The following CEP350 variants were observed in gnomAD, a reference collection of about 807,000 sequenced individuals.
The protein encoded by CEP350 is centrosomal protein 350.
A neutral mutation model predicts 331.8 loss-of-function variants in CEP350; 126 were observed. The observed-to-expected ratio is 0.38, with a 90% CI of 0.33 to 0.44. CEP350 has a LOEUF of 0.44. Ranked by LOEUF, CEP350 falls within the 20% of genes least tolerant of loss-of-function variation. CEP350 has a pLI of 1.00. For missense variants in CEP350, 3,406 were observed against 3,634.6 expected (o/e 0.94, Z 1.62); for synonymous variants, 1,200 against 1,259.5 (o/e 0.95, Z 1.00).
At chr1:180,045,867 C>T (rs1299306091) in intron 21 of CEP350, among the ~76,000 whole-genome samples, 2 of 152,102 alleles carry the variant, frequency 1.3e-5, no homozygotes, top group Non-Finnish European at 2.9e-5. Flanking sequence ...GCCTTTGGTC[C>T]ATCTCTAGCC....
intron 37 of CEP350, 97 bp from the exon 38 acceptor site, chr1:180,110,900 G>C: frequency 2.0e-6 from 2 of 993,890 alleles, no homozygotes; most frequent in Non-Finnish European, 3.0e-6. Flanking sequence ...ATTTCCTTGG[G>C]CTGTATTCCT....
intron 1 of CEP350, among the ~76,000 whole-genome samples, chr1:179,984,546 C>A (rs1052696550): frequency 7.2e-5 from 11 of 152,148 alleles, no homozygotes; most frequent in Non-Finnish European, 1.0e-4. Context: ...GATGAGAATG[C>A]GTTTTATAGC....
intron 14 of CEP350, among the ~76,000 whole-genome samples, chr1:180,030,913 C>T (rs568849317): frequency 1.8e-4 from 27 of 152,116 alleles, no homozygotes; most frequent in African/African-American, 4.6e-4. Context: ...ATAGTTCTTA[C>T]CATAGACTTT....
chr1:180,006,417 C>A (rs1654260368), intron 7 of CEP350, 37 bp from the exon 8 acceptor site: 2 of 1,012,310 alleles, frequency 2.0e-6, no homozygotes, highest in South Asian at 1.4e-5. Context: ...GAATGAAAAT[C>A]ATTGTTATAT....
intron 37 of CEP350, among the ~76,000 whole-genome samples, chr1:180,107,120 A>T (rs980846765): frequency 6.6e-6 from 1 of 152,194 alleles, no homozygotes; most frequent in African/African-American, 2.4e-5. Context: ...AGCATTCACA[A>T]AACTTATCTA....
At chr1:180,016,929 C>T (rs953323071) in intron 11 of CEP350, among the ~76,000 whole-genome samples, 3 of 152,146 alleles carry the variant, frequency 2.0e-5, no homozygotes, top group African/African-American at 7.2e-5. Context: ...TCCCAAAGTG[C>T]TGGGATTACA....
intron 22 of CEP350, among the ~76,000 whole-genome samples, chr1:180,052,563 A>G (rs1270544639): frequency 1.3e-5 from 2 of 152,074 alleles, no homozygotes; most frequent in East Asian, 3.8e-4. Flanking sequence ...GCTTGGAATT[A>G]ATGAGTTTTT....
intron 23 of CEP350, 31 bp from the exon 24 acceptor site, chr1:180,053,719 T>C (rs780202303): frequency 2.9e-6 from 4 of 1,387,704 alleles, no homozygotes; most frequent in Non-Finnish European, 2.9e-6. Context: ...GGTTAGATGA[T>C]GATAAACAAG....
chr1:180,001,350 C>T (rs1653858985), intron 6 of CEP350, among the ~76,000 whole-genome samples: 3 of 152,168 alleles, frequency 2.0e-5, no homozygotes, highest in African/African-American at 4.8e-5. Context: ...CCTCCACCTC[C>T]TGGGTTCAAG....
chr1:180,041,546 G>C, intron 18 of CEP350, 116 bp from the exon 19 acceptor site: 1 of 1,003,244 alleles, frequency 1.0e-6, no homozygotes. Context: ...AATCCAGATT[G>C]TAGTAAAGTG....
chr1:179,992,324 G>A (rs978567051), intron 5 of CEP350, 103 bp downstream of exon 5: 2 of 927,156 alleles, frequency 2.2e-6, no homozygotes, highest in Non-Finnish European at 1.5e-6. Context: ...CTCTGGTTGT[G>A]AAATAGTATA....
chr1:180,073,093 T>C lies in CEP350; in HGVS notation c.5568-1929T>C, dbSNP rs538685197. Among the ~76,000 whole-genome samples, 20 of 152,346 alleles carry C rather than the reference T, an allele frequency of 1.3e-4. No individual in the cohort carries two copies. In the South Asian group the frequency reaches 1.9e-3, roughly 14 times the overall value. ...GAGCTGTCCATATCAGGTTTTTTTT[T>C]CTACTGACTATTTATTGGGACTAGC... On this transcript the variant is annotated intron_variant, in intron 27 of 37. Transcript: ENST00000367607.
chr1:179,967,050 C>T (rs1651068726), intron 1 of CEP350, among the ~76,000 whole-genome samples: 1 of 152,140 alleles, frequency 6.6e-6, no homozygotes, highest in Admixed American at 6.5e-5. Flanking sequence ...CATAAATCAG[C>T]CAGCTTCCAA....
chr1:180,094,291 A>G lies in CEP350; in HGVS notation c.8186A>G (p.Gln2729Arg), dbSNP rs1466537654. ...GATCTTTTAACAAGAGAAAAAAACC[A>G]ACTGGAAGCCCAGCTGAAGTCATCA... is the stretch of plus-strand genomic sequence containing the variant. ...LLDLLTREKN[Q>R]LEAQLKSSLN... Residue 2729 changes from glutamine (Q) to arginine (R), a missense_variant, in exon 34 of 38, where the codon CAA becomes CGA. Coordinates refer to ENST00000367607, the MANE Select transcript of CEP350 (RefSeq NM_014810.5). The G allele has an allele frequency of 1.2e-6, 2 of 1,613,840 alleles. No homozygotes were observed.
chr1:180,093,843 G>A lies in CEP350; in HGVS notation c.7738G>A (p.Glu2580Lys), dbSNP rs774675027. Reference sequence around the variant, plus strand: ...TGACTATGTAGACATTAATGAAGATGAAGACTGTTACTCAGATGAACGATA... The same window carrying A: ...TGACTATGTAGACATTAATGAAGATAAAGACTGTTACTCAGATGAACGATA... The part of the protein sequence containing the change: ...FDDYVDINED[E>K]DCYSDERYQC... Residue 2580 changes from glutamate (E) to lysine (K), a missense_variant, in exon 34 of 38, where the codon GAA becomes AAA. Glu to Lys is a moderately conservative substitution (Grantham distance 56, BLOSUM62 1). Transcript: ENST00000367607. The A allele has an allele frequency of 6.2e-7, 1 of 1,613,860 alleles. No homozygotes were observed. Among genetic ancestry groups the A allele is most frequent in the Non-Finnish European group, 8.5e-7 (1 of 1,179,868 alleles).
At chr1:180,022,545 A>G (rs1655396229) in intron 12 of CEP350, among the ~76,000 whole-genome samples, 153 bp from the exon 13 acceptor site, 1 of 152,246 alleles carries the variant, frequency 6.6e-6, no homozygotes, top group South Asian at 2.1e-4. Context: ...TTAAAAAAGT[A>G]TCATTGGATA....
intron 17 of CEP350, 116 bp downstream of exon 17, chr1:180,037,205 G>A (rs949829670): frequency 5.9e-6 from 5 of 842,758 alleles, no homozygotes; most frequent in South Asian, 3.2e-5. Flanking sequence ...CTGCCATATA[G>A]CACCTATAAA....
intron 14 of CEP350, among the ~76,000 whole-genome samples, chr1:180,025,078 C>T (rs1655580352): frequency 6.6e-6 from 1 of 152,042 alleles, no homozygotes; most frequent in East Asian, 1.9e-4. Context: ...GCGCCCGCCA[C>T]CGCACCCAGC....
intron 27 of CEP350, among the ~76,000 whole-genome samples, chr1:180,071,780 T>TTA (rs1658912153): frequency 1.4e-5 from 1 of 72,382 alleles, no homozygotes; most frequent in Non-Finnish European, 3.9e-5. Flanking sequence ...AGACTCCGTC[T>TTA]CAAAAAAAAA....
Sources: gnomAD v4.1 joint callset for allele counts (sites outside exome capture counted in the v4.1 genomes callset) on GRCh38, gnomAD v4.1.1 for gene constraint, MANE v1.5 for transcripts, NCBI Gene and HGNC (gene_info 2026-07-23, HGNC 2026-07-21) for gene names.